KIF15: variants seen among roughly 807,000 people sequenced by gnomAD.
The protein encoded by KIF15 is kinesin family member 15.
In KIF15, 140 loss-of-function variants were observed where a neutral mutation model predicts 190.6. That is an observed-to-expected ratio of 0.73 (90% CI 0.64 to 0.84). KIF15 has a LOEUF of 0.84. Among genes scored for constraint, KIF15 ranks in the 40% least tolerant of loss-of-function variants. KIF15 has a pLI of 0.00. For synonymous variants in KIF15, 528 were observed against 551.3 expected (o/e 0.96, Z 0.59); for missense variants, 1,372 against 1,584.4 (o/e 0.87, Z 2.28).
intron 6 of KIF15, 63 bp from the exon 7 acceptor site, chr3:44,786,332 C>A: frequency 3.7e-6 from 5 of 1,353,480 alleles, no homozygotes; most frequent in Admixed American, 2.2e-5. Flanking sequence ...AAAATTAATG[C>A]TCATGAAAAC....
At chr3:44,766,519 T>C (rs1352259832) in intron 1 of KIF15, among the ~76,000 whole-genome samples, 2 of 152,150 alleles carry the variant, frequency 1.3e-5, no homozygotes, top group Non-Finnish European at 2.9e-5. Context: ...TATCTGAGCA[T>C]CAGGTAGCTA....
chr3:44,807,987 G>A (rs1707594642), intron 16 of KIF15, among the ~76,000 whole-genome samples: 1 of 152,008 alleles, frequency 6.6e-6, no homozygotes. Context: ...TCAGGCTGGA[G>A]TGCAGTGGCA....
At chr3:44,783,542 G>A (rs1378587284) in intron 5 of KIF15, among the ~76,000 whole-genome samples, 1 of 151,662 alleles carries the variant, frequency 6.6e-6, no homozygotes, top group African/African-American at 2.4e-5. Context: ...TCCAACAGTG[G>A]GGATCAAATT....
chr3:44,860,902 C>G (rs908065069), intron 6 of KIF15, among the ~76,000 whole-genome samples: 2 of 152,158 alleles, frequency 1.3e-5, no homozygotes, highest in Non-Finnish European at 2.9e-5. Context: ...GCTCTATTAA[C>G]ACTGATTTTC....
chr3:44,792,547 A>ATT (rs879474361), intron 7 of KIF15, among the ~76,000 whole-genome samples: 9 of 143,404 alleles, frequency 6.3e-5, no homozygotes, highest in Admixed American at 1.4e-4. Flanking sequence ...ACAGCTACGA[A>ATT]TTTTTTTTTT....
intron 10 of KIF15, 50 bp from the exon 11 acceptor site, chr3:44,800,264 T>C (rs2125635303): frequency 6.4e-7 from 1 of 1,568,532 alleles, no homozygotes; most frequent in East Asian, 2.2e-5. Flanking sequence ...CACAGGACTA[T>C]ACTACTCAAA....
chr3:44,800,437 G>A lies in KIF15; in HGVS notation c.1222G>A (p.Asp408Asn), dbSNP rs774123894. 3 of 1,613,640 alleles carry A rather than the reference G, an allele frequency of 1.9e-6. No homozygotes were observed. Among genetic ancestry groups the A allele is most frequent in the East Asian group, 2.2e-5 (1 of 44,856 alleles). The change falls in exon 11 of 35, where the codon GAC becomes AAC. Residue 408 changes from aspartate to asparagine, a missense_variant and splice_region_variant. Physicochemically the swap from Asp to Asn is conservative, Grantham distance 23. Coordinates refer to ENST00000326047, the MANE Select transcript of KIF15 (RefSeq NM_020242.3). Reference sequence around the variant, plus strand: ...ACCACCAGAAAGCTTCCTGACCAGAGGTAGGATGAGCACACAGTCCTTTAT... The same window carrying A: ...ACCACCAGAAAGCTTCCTGACCAGAAGTAGGATGAGCACACAGTCCTTTAT... ...QTPPESFLTR[D>N]KKKTNYMEYF...
chr3:44,795,483 A>G (rs543374217), intron 8 of KIF15, among the ~76,000 whole-genome samples: 1 of 152,300 alleles, frequency 6.6e-6, no homozygotes, highest in East Asian at 1.9e-4. Flanking sequence ...TAAGTGATTC[A>G]TGAAGAAAGC....
chr3:44,794,684 G>A (rs566902761), intron 8 of KIF15, among the ~76,000 whole-genome samples: 25 of 152,156 alleles, frequency 1.6e-4, no homozygotes, highest in South Asian at 4.2e-4. Context: ...CCTGTTAGCC[G>A]GGCGCGGTGG....
intron 1 of KIF15, among the ~76,000 whole-genome samples, chr3:44,769,067 A>C (rs1208852012): frequency 6.6e-6 from 1 of 152,196 alleles, no homozygotes; most frequent in African/African-American, 2.4e-5. Context: ...CCTTCCCCCA[A>C]GCCCAGTCCT....
intron 6 of KIF15, chr3:44,863,941 T>A (rs912832340): frequency 2.0e-6 from 1 of 503,730 alleles, no homozygotes; most frequent in Admixed American, 3.2e-5. Flanking sequence ...AGCATTTTGC[T>A]TCTTCCCAAG....
At chr3:44,843,383 A>G in intron 30 of KIF15, 149 bp downstream of exon 30, 1 of 603,438 alleles carries the variant, frequency 1.7e-6, no homozygotes, top group South Asian at 2.1e-5. Flanking sequence ...TTTTGAATCA[A>G]GTCTGATCTG....
At chr3:44,799,561 C>CTTT (rs749598603) in intron 10 of KIF15, among the ~76,000 whole-genome samples, 2 of 140,356 alleles carry the variant, frequency 1.4e-5, no homozygotes, top group Non-Finnish European at 3.1e-5. Flanking sequence ...AATTAATCAA[C>CTTT]TTTTTTTTTT....
intron 6 of KIF15, among the ~76,000 whole-genome samples, chr3:44,861,221 C>T (rs1395320299): frequency 6.6e-6 from 1 of 151,740 alleles, no homozygotes; most frequent in African/African-American, 2.4e-5. Flanking sequence ...GAACTCCCGA[C>T]CTCAGGTGAT....
At chr3:44,763,343 C>A (rs542073816) in intron 1 of KIF15, among the ~76,000 whole-genome samples, 15 of 152,326 alleles carry the variant, frequency 9.8e-5, no homozygotes, top group African/African-American at 3.6e-4. Context: ...TGCTCTATTG[C>A]CGGGCTGGAG....
chr3:44,801,627 TAA>T, intron 12 of KIF15, 101 bp downstream of exon 12: 1 of 964,386 alleles, frequency 1.0e-6, no homozygotes. Flanking sequence ...ACCAAGTCAA[TAA>T]AGTAATGGAA....
intron 28 of KIF15, among the ~76,000 whole-genome samples, chr3:44,840,835 A>AT (rs34487315): frequency 6.7e-6 from 1 of 150,290 alleles, no homozygotes; most frequent in Admixed American, 6.6e-5. Flanking sequence ...CGCCTGGCTA[A>AT]TTTTTTTTTC....
rs563917412 is a variant in KIF15 at position 44,843,736 on chromosome 3, C to T, written c.3695+502C>T. ...AAGGCAGTTTTGTAGTTGCATTTGCCGATACATTTGCATAGTGTCGGGGCA... is the reference window on the plus strand; with the variant it reads ...AAGGCAGTTTTGTAGTTGCATTTGCTGATACATTTGCATAGTGTCGGGGCA... On this transcript the variant is annotated intron_variant, in intron 30 of 34. Coordinates refer to ENST00000326047, the MANE Select transcript of KIF15 (RefSeq NM_020242.3). Among the ~76,000 whole-genome samples, 11 of 152,202 alleles carry T rather than the reference C, an allele frequency of 7.2e-5. No individual in the cohort carries two copies. In the South Asian group the frequency reaches 1.0e-3, roughly 14 times the overall value.
At position 44,775,895 on chromosome 3, in the gene KIF15, A is replaced by T. The variant is rs190252859; in HGVS notation, c.246+458A>T. 3.1e-3 allele frequency among the ~76,000 whole-genome samples: 470 copies of T among 151,830 alleles called. 3 individuals carry two copies. The highest frequency in any genetic ancestry group is 0.01 in the African/African-American group (435 of 41,462). ...GGAGATCGAGATCATCCTGGCTAACACAGTGAAACCCCGTCTATACTAAAA... is the reference window on the plus strand; with the variant it reads ...GGAGATCGAGATCATCCTGGCTAACTCAGTGAAACCCCGTCTATACTAAAA... On this transcript the variant is annotated intron_variant, in intron 3 of 34. Transcript: ENST00000326047.
Sources: gnomAD v4.1 joint callset for allele counts (sites outside exome capture counted in the v4.1 genomes callset) on GRCh38, gnomAD v4.1.1 for gene constraint, MANE v1.5 for transcripts, NCBI Gene and HGNC (gene_info 2026-07-23, HGNC 2026-07-21) for gene names.